NUMA1: variants seen among roughly 807,000 people sequenced by gnomAD.
NUMA1 encodes SP-H antigen.
In NUMA1, 62 loss-of-function variants were observed where a neutral mutation model predicts 237.1. The observed-to-expected ratio is 0.26, with a 90% CI of 0.21 to 0.32. The LOEUF is 0.32. NUMA1 is among the 10% of genes least tolerant of loss of function. The pLI is 1.00. For missense variants in NUMA1, 2,533 were observed against 2,666.5 expected (o/e 0.95, Z 1.10); for synonymous variants, 1,028 against 1,066.1 (o/e 0.96, Z 0.70).
intron 26 of NUMA1, 40 bp downstream of exon 26, chr11:72,003,847 C>T: frequency 6.2e-7 from 1 of 1,601,740 alleles, no homozygotes; most frequent in Non-Finnish European, 8.5e-7. Context: ...TGCCCATGCT[C>T]TCATCGGGTT....
intron 1 of NUMA1, among the ~76,000 whole-genome samples, chr11:72,079,477 T>C (rs1263458350): frequency 6.6e-6 from 1 of 151,632 alleles, no homozygotes. Flanking sequence ...GTGGCAGAGG[T>C]TGCAGTGAGC....
At chr11:72,059,496 T>C (rs1165533033) in intron 2 of NUMA1, among the ~76,000 whole-genome samples, 2 of 152,194 alleles carry the variant, frequency 1.3e-5, no homozygotes, top group African/African-American at 4.8e-5. Context: ...CTCAAACTCC[T>C]AGGCTCAAAC....
chr11:72,030,471 G>C (rs902973340), intron 3 of NUMA1, among the ~76,000 whole-genome samples: 24 of 152,078 alleles, frequency 1.6e-4, no homozygotes, highest in African/African-American at 5.8e-4. Flanking sequence ...GCTTCAGATA[G>C]GCATACATTT....
At chr11:72,033,409 T>C (rs1186895658) in intron 3 of NUMA1, among the ~76,000 whole-genome samples, 2 of 150,690 alleles carry the variant, frequency 1.3e-5, no homozygotes, top group Admixed American at 6.6e-5. Context: ...TTTCACTCTA[T>C]TGTCCAGGCC....
chr11:72,064,921 T>C (rs1943133840), intron 2 of NUMA1, among the ~76,000 whole-genome samples: 1 of 152,212 alleles, frequency 6.6e-6, no homozygotes, highest in Non-Finnish European at 1.5e-5. Flanking sequence ...TATAGACAGA[T>C]AGATATATCA....
At chr11:72,021,096 G>T in intron 8 of NUMA1, 108 bp downstream of exon 8, 3 of 854,156 alleles carry the variant, frequency 3.5e-6, no homozygotes, top group Non-Finnish European at 5.9e-6. Flanking sequence ...CATCAACTCT[G>T]CCTTGTGTTG....
chr11:72,056,652 A>AAAAAAAAAAAAAAAAAC (rs1565282200), intron 2 of NUMA1, among the ~76,000 whole-genome samples: 1 of 149,946 alleles, frequency 6.7e-6, no homozygotes, highest in Non-Finnish European at 1.5e-5. Context: ...AAAAAAAAAA[A>AAAAAAAAAAAAAAAAAC]AAAAAAAAGG....
chr11:72,019,934 G>A (rs1402088989), intron 8 of NUMA1, among the ~76,000 whole-genome samples: 1 of 152,162 alleles, frequency 6.6e-6, no homozygotes, highest in Non-Finnish European at 1.5e-5. Context: ...AGTCCACACT[G>A]CAGAGACGGC....
chr11:72,005,118 T>C, intron 23 of NUMA1, 115 bp downstream of exon 23: 5 of 1,198,630 alleles, frequency 4.2e-6, no homozygotes, highest in Non-Finnish European at 5.7e-6. Flanking sequence ...AAGGTCACCC[T>C]CCCCCTCCTC....
Position 72,014,650 on chromosome 11 carries a change from C to A in NUMA1, c.2853G>T (p.Trp951Cys), listed in dbSNP as rs1956389093. 3.1e-6 allele frequency: 5 copies of A among 1,612,262 alleles called. No homozygotes were observed. The highest frequency in any genetic ancestry group is 2.7e-5 in the African/African-American group (2 of 75,072). ...ACTGGCGTCCCTGTTGCTCTTCCAG[C>A]CACTCGGGCTGTCTGTCTCCTGCCC... Reference protein sequence around the residue: ...PARAGDRQPEWLEEQQGRQFC... With the variant: ...PARAGDRQPECLEEQQGRQFC... The change falls in exon 15 of 27, where the codon TGG becomes TGT. Residue 951 changes from tryptophan (W) to cysteine (C), a missense_variant. By Grantham distance (215) the Trp-to-Cys change is radical. Around this residue, in one of 3 missense-constraint regions of NUMA1, gnomAD observed 1,414 missense variants for 1,508.1 expected, o/e 0.94. Transcript: ENST00000393695. This position sits in a 1 kb window ranked among gnomAD's most constrained non-coding sequence, Gnocchi z 4.6.
At chr11:72,025,145 C>A (rs1040848180) in intron 4 of NUMA1, among the ~76,000 whole-genome samples, 8 of 152,332 alleles carry the variant, frequency 5.3e-5, no homozygotes, top group African/African-American at 1.9e-4. Context: ...CCACCTCAGC[C>A]TCTCAAAGTG....
chr11:72,015,219 C>A lies in NUMA1; in HGVS notation c.2284G>T (p.Ala762Ser). 1.9e-6 allele frequency: 3 copies of A among 1,613,500 alleles called. No individual in the cohort carries two copies. The highest frequency in any genetic ancestry group is 2.5e-6 in the Non-Finnish European group (3 of 1,180,012). ...RERKELEEER[A>S]GRKGLEARLQ... The stretch of plus-strand genomic sequence containing the variant: ...CGAGCCTCCAGCCCCTTGCGCCCAG[C>A]CCTCTCTTCTTCCAGCTCCTTTCGT... Residue 762 changes from alanine (A) to serine (S), a missense_variant, in exon 15 of 27, where the codon GCT becomes TCT. Ala to Ser is a moderately conservative substitution (Grantham distance 99). Around this residue, in one of 3 missense-constraint regions of NUMA1, gnomAD observed 1,414 missense variants for 1,508.1 expected, o/e 0.94. Transcript: ENST00000393695. This position sits in a 1 kb window ranked among gnomAD's most constrained non-coding sequence, Gnocchi z 4.0.
chr11:72,015,801 T>C lies in NUMA1; in HGVS notation c.1702A>G (p.Lys568Glu), dbSNP rs1956490563. 6.2e-7 allele frequency: 1 copy of C among 1,614,166 alleles called. No individual in the cohort carries two copies. Among genetic ancestry groups the C allele is most frequent in the Non-Finnish European group, 8.5e-7 (1 of 1,180,036 alleles). Residue 568 changes from lysine to glutamate, a missense_variant, in exon 15 of 27, where the codon AAG (lysine) becomes GAG (glutamate). By Grantham distance (56) the Lys-to-Glu change is moderately conservative. Transcript: ENST00000393695. The surrounding 1 kb of genome is among the most constrained non-coding windows in gnomAD (Gnocchi z 4.0). The stretch of plus-strand genomic sequence containing the variant: ...GCCTCCTGCTTCTCCGCTACCTCCT[T>C]CAACTGCTGCTCCTTCTGCTTCAGG... The part of the protein sequence containing the change: ...SSLKQKEQQL[K>E]EVAEKQEATR...
At position 72,018,892 on chromosome 11, in the gene NUMA1, C is replaced by T. The variant is rs1294448641; in HGVS notation, c.673G>A (p.Asp225Asn). 6.2e-7 allele frequency: 1 copy of T among 1,614,038 alleles called. No individual in the cohort carries two copies. Among genetic ancestry groups the T allele is most frequent in the Non-Finnish European group, 8.5e-7 (1 of 1,180,022 alleles). The change falls in exon 10 of 27, where the codon GAT becomes AAT. Residue 225 changes from aspartate to asparagine, a missense_variant. This residue lies in a region of NUMA1 where 1,414 missense variants were observed against 1,508.1 expected (regional missense o/e 0.94). Coordinates refer to ENST00000393695, the MANE Select transcript of NUMA1 (RefSeq NM_006185.4). ...QMRRLKKQLADERSNRDELEL... is the reference protein window; with the variant it reads ...QMRRLKKQLANERSNRDELEL... ...AGCTCATCCCTATTACTTCTCTCATCAGCAAGCTGCTTCTTCAGCCGTCTC... is the reference window on the plus strand; with the variant it reads ...AGCTCATCCCTATTACTTCTCTCATTAGCAAGCTGCTTCTTCAGCCGTCTC...
chr11:72,059,794 AT>A (rs1456234628), intron 2 of NUMA1, among the ~76,000 whole-genome samples: 2 of 152,192 alleles, frequency 1.3e-5, no homozygotes, highest in African/African-American at 2.4e-5. Context: ...AAGCTTGTGT[AT>A]TTTAAATGTC....
intron 20 of NUMA1, 45 bp downstream of exon 20, chr11:72,008,643 C>A (rs1955923012): frequency 6.3e-7 from 1 of 1,596,000 alleles, no homozygotes; most frequent in African/African-American, 1.3e-5. Context: ...TGATAAACAG[C>A]AGGCACTCCA....
chr11:72,003,230 C>T lies in NUMA1; in HGVS notation c.*297G>A, dbSNP rs1955383016. On this transcript the variant is annotated 3_prime_UTR_variant, in exon 27 of 27. Transcript: ENST00000393695. ...TGGCCAGGCCCAAGGACCCAGCCAT[C>T]AAAACCAGCCTCAAATCTGGTTGTG... 1 of 473,320 alleles carries T rather than the reference C, an allele frequency of 2.1e-6. No homozygotes were observed. The highest frequency in any genetic ancestry group is 3.5e-5 in the Admixed American group (1 of 28,806). 29.3% of individuals were successfully genotyped at this position (473,320 alleles called of 1,614,324 possible). A position where few individuals can be genotyped will look rare whatever the true frequency, so the allele number is the denominator to read the frequency against.
chr11:72,032,975 T>C (rs903675865), intron 3 of NUMA1, among the ~76,000 whole-genome samples: 2 of 152,194 alleles, frequency 1.3e-5, no homozygotes, highest in South Asian at 4.1e-4. Context: ...TTTCTTTCGT[T>C]TTTTCTAGGT....
chr11:72,022,041 C>A (rs1938923574), intron 7 of NUMA1, among the ~76,000 whole-genome samples: 1 of 152,078 alleles, frequency 6.6e-6, no homozygotes, highest in South Asian at 2.1e-4. Context: ...CATATAGGAA[C>A]AGAGAATAAT....
Sources: gnomAD v4.1 joint callset for allele counts (sites outside exome capture counted in the v4.1 genomes callset) on GRCh38, gnomAD v4.1.1 for gene constraint, gnomAD v4.1.1 regional missense constraint, Gnocchi (gnomAD v3.1) non-coding constraint, MANE v1.5 for transcripts, NCBI Gene and HGNC (gene_info 2026-07-23, HGNC 2026-07-21) for gene names.